Variants in ADAMTS19 observed in about 807,000 individuals in gnomAD.
ADAMTS19 encodes ADAM metallopeptidase with thrombospondin type 1 motif 19, also known as A disintegrin and metalloproteinase with thrombospondin motifs 19.
In ADAMTS19, 93 loss-of-function variants were observed where a neutral mutation model predicts 153.3. That is an observed-to-expected ratio of 0.61 (90% CI 0.51 to 0.72). The LOEUF (loss-of-function observed/expected upper bound fraction) is 0.72. ADAMTS19 is among the 30% of genes least tolerant of loss of function. The probability of loss-of-function intolerance (pLI) is 0.00; values close to 1 mark genes in which losing one functional copy is unlikely to be tolerated. For missense variants in ADAMTS19, 1,482 were observed against 1,552.1 expected (o/e 0.95, Z 0.76); for synonymous variants, 600 against 556.6 (o/e 1.08, Z -1.10).
chr5:129,517,057 T>C (rs1163114682), intron 3 of ADAMTS19, among the ~76,000 whole-genome samples: 3 of 151,898 alleles, frequency 2.0e-5, no homozygotes, highest in Non-Finnish European at 2.9e-5. Flanking sequence ...CAGGAGCATA[T>C]TGTTTAATTT....
intron 7 of ADAMTS19, among the ~76,000 whole-genome samples, chr5:129,568,656 CA>C (rs1231948083): frequency 2.0e-5 from 3 of 151,610 alleles, no homozygotes; most frequent in Non-Finnish European, 4.4e-5. Flanking sequence ...CTTGTTGCCA[CA>C]AAAAAAGTTT....
intron 7 of ADAMTS19, among the ~76,000 whole-genome samples, chr5:129,576,663 G>C (rs1754113933): frequency 6.6e-6 from 1 of 151,198 alleles, no homozygotes; most frequent in African/African-American, 2.4e-5. Flanking sequence ...TTTCCAAGGA[G>C]CTGGGAGGGG....
intron 14 of ADAMTS19, among the ~76,000 whole-genome samples, chr5:129,656,066 G>A (rs1649446200): frequency 6.6e-6 from 1 of 151,996 alleles, no homozygotes; most frequent in Admixed American, 6.5e-5. Context: ...TTCTTAAATT[G>A]TGCATGTCAA....
intron 21 of ADAMTS19, among the ~76,000 whole-genome samples, chr5:129,704,837 G>A (rs1451378191): frequency 6.6e-6 from 1 of 152,000 alleles, no homozygotes; most frequent in Non-Finnish European, 1.5e-5. Flanking sequence ...TGGGAGTTGT[G>A]TATGGTAGAA....
chr5:129,697,061 C>G (rs951541215), intron 19 of ADAMTS19, among the ~76,000 whole-genome samples: 16 of 152,254 alleles, frequency 1.1e-4, no homozygotes, highest in African/African-American at 3.6e-4. Flanking sequence ...CAAAGTATGT[C>G]AAATTATGGG....
At chr5:129,515,414 T>G (rs912205242) in intron 3 of ADAMTS19, among the ~76,000 whole-genome samples, 1 of 152,082 alleles carries the variant, frequency 6.6e-6, no homozygotes, top group African/African-American at 2.4e-5. Context: ...TATTGATTCT[T>G]CCAACCCATG....
chr5:129,522,332 CATATATATATATATATATATATAT>C (rs1209637522), intron 3 of ADAMTS19, among the ~76,000 whole-genome samples: 1 of 58,614 alleles, frequency 1.7e-5, no homozygotes, highest in Non-Finnish European at 2.8e-5. Flanking sequence ...CACACACACA[CATATATATATATATATATATATAT>C]ATATATATAT....
At chr5:129,534,617 C>CA (rs1345981333) in intron 6 of ADAMTS19, among the ~76,000 whole-genome samples, 1 of 151,886 alleles carries the variant, frequency 6.6e-6, no homozygotes, top group Non-Finnish European at 1.5e-5. Flanking sequence ...AGAGACACAA[C>CA]AAAAAAAGAG....
chr5:129,484,637 T>C (rs1750532246), intron 2 of ADAMTS19, among the ~76,000 whole-genome samples: 1 of 152,168 alleles, frequency 6.6e-6, no homozygotes, highest in Non-Finnish European at 1.5e-5. Context: ...GAATATTTTA[T>C]TCATTACCTT....
At chr5:129,645,534 G>A (rs30682) in intron 11 of ADAMTS19, among the ~76,000 whole-genome samples, 1 of 151,940 alleles carries the variant, frequency 6.6e-6, no homozygotes, top group East Asian at 1.9e-4. Flanking sequence ...TTTCACTGAT[G>A]TGTATATGCA....
chr5:129,516,269 T>C (rs998843377), intron 3 of ADAMTS19, among the ~76,000 whole-genome samples: 11 of 141,900 alleles, frequency 7.8e-5, no homozygotes, highest in Non-Finnish European at 1.7e-4. Context: ...GTGTCTTTTT[T>C]TCTTTTCTTT....
intron 8 of ADAMTS19, among the ~76,000 whole-genome samples, chr5:129,606,640 GAAATTCCTTAGC>G (rs1581137060): frequency 1.3e-5 from 2 of 152,154 alleles, no homozygotes; most frequent in Admixed American, 6.5e-5. Context: ...GAATGAATTT[GAAATTCCTTAGC>G]CTGAGATTCA....
intron 2 of ADAMTS19, among the ~76,000 whole-genome samples, chr5:129,505,536 T>C (rs1751242976): frequency 6.6e-6 from 1 of 152,146 alleles, no homozygotes; most frequent in African/African-American, 2.4e-5. Context: ...AATTTTATGT[T>C]TTGATTAGAA....
At position 129,460,405 on chromosome 5, in the gene ADAMTS19, G is replaced by A. The variant is rs1749605749; in HGVS notation, c.14G>A (p.Arg5His). 1 of 1,613,924 alleles carries A rather than the reference G, an allele frequency of 6.2e-7. No individual in the cohort carries two copies. Among genetic ancestry groups the A allele is most frequent in the Non-Finnish European group, 8.5e-7 (1 of 1,180,002 alleles). MGKN[R>H]EMRLTHICCC... ...CGGGAGCGCAGTATGGGGAAGAACC[G>A]CGAGATGCGCCTGACTCACATCTGC... Residue 5 changes from arginine to histidine, a missense_variant, in exon 1 of 23, where the codon CGC (arginine) becomes CAC (histidine). Arg to His is a conservative substitution (Grantham distance 29, BLOSUM62 0). This residue lies in a region of ADAMTS19 where 866 missense variants were observed against 827.7 expected (regional missense o/e 1.05). Transcript: ENST00000274487.
chr5:129,628,093 C>T (rs1752133386), intron 10 of ADAMTS19, among the ~76,000 whole-genome samples: 1 of 152,028 alleles, frequency 6.6e-6, no homozygotes, highest in African/African-American at 2.4e-5. Context: ...AAATGTGGTA[C>T]ATATACACTA....
intron 10 of ADAMTS19, among the ~76,000 whole-genome samples, chr5:129,636,253 A>T (rs1432528530): frequency 6.6e-6 from 1 of 152,174 alleles, no homozygotes; most frequent in Non-Finnish European, 1.5e-5. Context: ...CAGAGACTTC[A>T]GGAAGTTGTT....
chr5:129,471,842 C>G (rs1007532508), intron 2 of ADAMTS19, among the ~76,000 whole-genome samples: 8 of 152,174 alleles, frequency 5.3e-5, no homozygotes, highest in Non-Finnish European at 4.4e-5. Flanking sequence ...TGCTAAGGAT[C>G]ATGGCCTCCA....
intron 2 of ADAMTS19, among the ~76,000 whole-genome samples, chr5:129,483,161 T>C (rs1320478374): frequency 1.3e-5 from 2 of 152,194 alleles, no homozygotes; most frequent in African/African-American, 2.4e-5. Flanking sequence ...AACAGCCATA[T>C]AATAATCCAT....
At chr5:129,620,256 G>A (rs887500783) in intron 8 of ADAMTS19, among the ~76,000 whole-genome samples, 1 of 151,846 alleles carries the variant, frequency 6.6e-6, no homozygotes, top group Non-Finnish European at 1.5e-5. Flanking sequence ...TTTGATTCAG[G>A]CAACAGCAAG....
Sources: allele counts gnomAD v4.1 joint callset (sites outside exome capture counted in the v4.1 genomes callset), GRCh38; gene constraint gnomAD v4.1.1; regional missense constraint gnomAD v4.1.1; transcripts MANE v1.5; gene names NCBI Gene and HGNC (gene_info 2026-07-23, HGNC 2026-07-21).